IPO9: variants seen among roughly 807,000 people sequenced by gnomAD.
IPO9 encodes importin 9.
In IPO9, 28 loss-of-function variants were observed where a neutral mutation model predicts 128.6. The ratio of observed to expected loss-of-function variants is 0.22; its 90% CI spans 0.16 to 0.30. The LOEUF is 0.30. IPO9 is among the 10% of genes least tolerant of loss of function. IPO9 has a pLI of 1.00. For synonymous variants in IPO9, 455 were observed against 475.8 expected, an observed-to-expected ratio of 0.96 and a Z score of 0.57; for missense variants, 935 against 1,293.9, an observed-to-expected ratio of 0.72 and a Z score of 4.26.
At chr1:201,871,449 C>T (rs1680651836) in intron 19 of IPO9, 122 bp downstream of exon 19, 2 of 714,252 alleles carry the variant, frequency 2.8e-6, no homozygotes, top group Non-Finnish European at 4.1e-6. Context: ...TGCAGTGGCA[C>T]AATCTTGGCT....
Position 201,876,212 on chromosome 1 carries a change from C to G in IPO9, c.*158C>G. 1.4e-6 allele frequency: 1 copy of G among 734,682 alleles called. No individual in the cohort carries two copies. Among genetic ancestry groups the G allele is most frequent in the Non-Finnish European group, 2.5e-6 (1 of 393,690 alleles). 45.5% of individuals were successfully genotyped at this position (734,682 alleles called of 1,614,324 possible). Reference sequence around the variant, plus strand: ...GACACTGATGACAATTCAGACCAGGCTCACCGGTGCCGTCACTTAGGAATG... The same window carrying G: ...GACACTGATGACAATTCAGACCAGGGTCACCGGTGCCGTCACTTAGGAATG... On this transcript the variant is annotated 3_prime_UTR_variant, in exon 24 of 24. Transcript: ENST00000361565.
chr1:201,849,863 T>C (rs1161259349), intron 4 of IPO9, among the ~76,000 whole-genome samples: 1 of 152,200 alleles, frequency 6.6e-6, no homozygotes, highest in Non-Finnish European at 1.5e-5. Context: ...TATTGCCCTT[T>C]CTTCTGCTTA....
At chr1:201,839,720 G>T (rs1359115404) in intron 1 of IPO9, among the ~76,000 whole-genome samples, 1 of 152,040 alleles carries the variant, frequency 6.6e-6, no homozygotes, top group Non-Finnish European at 1.5e-5. Flanking sequence ...AAACATGGGT[G>T]ATTTTGTCTT....
intron 3 of IPO9, 136 bp downstream of exon 3, chr1:201,847,774 G>C (rs950882003): frequency 3.0e-6 from 2 of 669,904 alleles, no homozygotes; most frequent in African/African-American, 3.6e-5. Context: ...GGCATTGCGG[G>C]CATAGGGCTA....
At chr1:201,841,124 C>A (rs1214878621) in intron 1 of IPO9, among the ~76,000 whole-genome samples, 1 of 151,910 alleles carries the variant, frequency 6.6e-6, no homozygotes, top group African/African-American at 2.4e-5. Context: ...ACAAATGAAC[C>A]TAAATGTTTT....
intron 13 of IPO9, 22 bp from the exon 14 acceptor site, chr1:201,863,426 A>G (rs1398744200): frequency 1.3e-6 from 2 of 1,545,704 alleles, no homozygotes; most frequent in Non-Finnish European, 1.8e-6. Context: ...TCCAGCCCCT[A>G]ATTGTTCTGT....
chr1:201,874,494 C>CTCCAACGTCATGGAGGCTAA, intron 21 of IPO9, 122 bp downstream of exon 21: 1 of 1,102,474 alleles, frequency 9.1e-7, no homozygotes. Context: ...AATGGCTGCT[C>CTCCAACGTCATGGAGGCTAA]TGTGGCTGGC....
chr1:201,838,018 T>A (rs2102869126), intron 1 of IPO9, among the ~76,000 whole-genome samples: 1 of 152,044 alleles, frequency 6.6e-6, no homozygotes, highest in East Asian at 1.9e-4. Context: ...TGCGGTGAGC[T>A]GAGATTGCGC....
chr1:201,836,035 C>T (rs1019348810), intron 1 of IPO9, among the ~76,000 whole-genome samples: 6 of 149,954 alleles, frequency 4.0e-5, no homozygotes, highest in African/African-American at 1.5e-4. Flanking sequence ...TGGCCTGAAC[C>T]CGGGAGGCAG....
At chr1:201,874,212 G>T (rs1222396487) in intron 20 of IPO9, 38 bp from the exon 21 acceptor site, 1 of 1,610,448 alleles carries the variant, frequency 6.2e-7, no homozygotes, top group African/African-American at 1.3e-5. Context: ...AGTAAGCTCA[G>T]TGACACTCTG....
Position 201,884,271 on chromosome 1 carries a change from ATAAAGT to A in IPO9, c.*8221_*8226del, listed in dbSNP as rs1286977065. 2.0e-5 allele frequency: 3 copies of A among 152,268 alleles called. No individual in the cohort carries two copies. Among genetic ancestry groups the A allele is most frequent in the Non-Finnish European group, 2.9e-5 (2 of 68,048 alleles). 9.4% of individuals were successfully genotyped at this position (152,268 alleles called of 1,614,324 possible). On this transcript the variant is annotated 3_prime_UTR_variant, in exon 24 of 24. Transcript: ENST00000361565. ...TTCATGGAGTGATTGTGAGGATTAA[ATAAAGT>A]TAATATAACACAAAGCACTTCGTAG...
intron 1 of IPO9, among the ~76,000 whole-genome samples, chr1:201,837,394 C>G (rs1240273374): frequency 6.6e-6 from 1 of 152,090 alleles, no homozygotes; most frequent in East Asian, 1.9e-4. Flanking sequence ...TGTGATAGGA[C>G]CTATGTGTAA....
In IPO9 at chr1:201,852,140, T is replaced by C; in HGVS notation, c.551T>C (p.Leu184Pro). The C allele has an allele frequency of 6.2e-7, 1 of 1,613,452 alleles. No homozygotes were observed. Among genetic ancestry groups the C allele is most frequent in the South Asian group, 1.1e-5 (1 of 91,062 alleles). ...GAAGTAACAGACACACAGATGCCAC[T>C]TGTTGCTCCTGTCATTCTCCCAGAG... Reference protein sequence around the residue: ...TREVTDTQMPLVAPVILPEMY... With the variant: ...TREVTDTQMPPVAPVILPEMY... Residue 184 changes from leucine to proline, a missense_variant, in exon 5 of 24, where the codon CTT becomes CCT. By Grantham distance (98) the Leu-to-Pro change is moderately conservative. This residue lies in a region of IPO9 where 741 missense variants were observed against 1,019.1 expected (regional missense o/e 0.73). Coordinates refer to ENST00000361565, the MANE Select transcript of IPO9 (RefSeq NM_018085.5).
Position 201,843,068 on chromosome 1 carries a change from C to T in IPO9, c.164-4211C>T, listed in dbSNP as rs1360915287. Among the ~76,000 whole-genome samples the T allele has an allele frequency of 2.6e-5, 4 of 152,296 alleles. No individual in the cohort carries two copies. The East Asian group carries it at 5.8e-4, about 22-fold the overall frequency. ...CTTTGGAAGGAGCATTACAATCAGC[C>T]ACTGTGATGGTCTAGATTGCAGGCA... On this transcript the variant is annotated intron_variant, in intron 1 of 23. Coordinates refer to ENST00000361565, the MANE Select transcript of IPO9 (RefSeq NM_018085.5).
intron 1 of IPO9, among the ~76,000 whole-genome samples, chr1:201,841,843 TAA>T (rs1680041743): frequency 6.6e-6 from 1 of 152,062 alleles, no homozygotes; most frequent in African/African-American, 2.4e-5. Context: ...CAGAATAAAA[TAA>T]ATACTTATGA....
chr1:201,829,412 A>T (rs901413656), intron 1 of IPO9, 40 bp downstream of exon 1: 1 of 1,507,232 alleles, frequency 6.6e-7, no homozygotes, highest in Non-Finnish European at 8.9e-7. Context: ...GCTCAGCCGC[A>T]CAATCCGCTG....
At chr1:201,830,140 C>T (rs1314433735) in intron 1 of IPO9, among the ~76,000 whole-genome samples, 2 of 152,196 alleles carry the variant, frequency 1.3e-5, no homozygotes, top group African/African-American at 4.8e-5. Context: ...GAGCCTTTCA[C>T]CGGGTCCAGT....
rs373669854 is a variant in IPO9, at chr1:201,846,031, C to T, written c.164-1248C>T. 6.6e-5 allele frequency among the ~76,000 whole-genome samples: 10 copies of T among 152,192 alleles called. No individual in the cohort carries two copies. The East Asian group carries it at 1.2e-3, about 18-fold the overall frequency. ...ACTGAAGCAGGAAGTACATTTGAGCCTAGGAGTTTGACACTGCAGTGAGCT... is the reference window on the plus strand; with the variant it reads ...ACTGAAGCAGGAAGTACATTTGAGCTTAGGAGTTTGACACTGCAGTGAGCT... On this transcript the variant is annotated intron_variant, in intron 1 of 23. Transcript: ENST00000361565.
chr1:201,834,592 G>A (rs1459232762), intron 1 of IPO9, among the ~76,000 whole-genome samples: 1 of 152,138 alleles, frequency 6.6e-6, no homozygotes, highest in African/African-American at 2.4e-5. Flanking sequence ...CTTTCATTCA[G>A]AAGCTTTAAT....
Sources: gnomAD v4.1 joint callset for allele counts (sites outside exome capture counted in the v4.1 genomes callset) on GRCh38, gnomAD v4.1.1 for gene constraint, gnomAD v4.1.1 regional missense constraint, MANE v1.5 for transcripts, NCBI Gene and HGNC (gene_info 2026-07-23, HGNC 2026-07-21) for gene names.